PDE6A: variants seen among roughly 807,000 people sequenced by gnomAD.
PDE6A encodes phosphodiesterase 6A.
In PDE6A, 84 loss-of-function variants were observed where a neutral mutation model predicts 106.3. That is an observed-to-expected ratio of 0.79 (90% confidence interval 0.66 to 0.95). PDE6A has a LOEUF of 0.95. Ranked by LOEUF, PDE6A falls within the 40% of genes least tolerant of loss-of-function variation. The probability of loss-of-function intolerance (pLI) is 0.00; values close to 1 mark genes in which losing one functional copy is unlikely to be tolerated. For synonymous variants in PDE6A, 394 were observed against 386.6 expected (o/e 1.02, Z -0.23); for missense variants, 1,052 against 1,084.9 (o/e 0.97, Z 0.43).
chr5:149,880,477 C>T (rs116192461), intron 17 of PDE6A, among the ~76,000 whole-genome samples: 4,922 of 152,090 alleles, frequency 0.032, 115 homozygotes, highest in Admixed American at 0.054. Context: ...TTTAGGAGGC[C>T]GAGGTGGGCG....
chr5:149,934,898 T>C (rs891613636), intron 1 of PDE6A, among the ~76,000 whole-genome samples, 180 bp from the exon 2 acceptor site: 3 of 151,902 alleles, frequency 2.0e-5, no homozygotes, highest in African/African-American at 7.3e-5. Flanking sequence ...AAGAAGAAAG[T>C]CTGAGATGAA....
rs931214708 is a variant in PDE6A, at chr5:149,903,800, A to T, written c.1066-105T>A. On this transcript the variant is annotated intron_variant, in intron 7 of 21. Coordinates refer to ENST00000255266, the MANE Select transcript of PDE6A (RefSeq NM_000440.3). ...GAAACACCATGTTCTTGTCCAAGGC[A>T]TTCACATTCTTTTCATCAGGTAGAC... The T allele has an allele frequency of 8.0e-6, 7 of 871,642 alleles. No homozygotes were observed. In the Admixed American group the frequency reaches 1.0e-4, roughly 13 times the overall value. 54.0% of individuals were successfully genotyped at this position (871,642 alleles called of 1,614,324 possible).
chr5:149,908,396 T>A (rs1274756857), intron 6 of PDE6A, among the ~76,000 whole-genome samples: 3 of 152,192 alleles, frequency 2.0e-5, no homozygotes, highest in Non-Finnish European at 4.4e-5. Context: ...GGCCAAACTG[T>A]TTTCTAAAAT....
At chr5:149,919,041 C>T (rs928096405) in intron 5 of PDE6A, among the ~76,000 whole-genome samples, 3 of 152,074 alleles carry the variant, frequency 2.0e-5, no homozygotes, top group East Asian at 1.9e-4. Flanking sequence ...TTTCTGCCTG[C>T]GAGGGGGAGG....
At chr5:149,900,375 G>GTATATATGTATATATATATATATATATA (rs1752924419) in intron 8 of PDE6A, among the ~76,000 whole-genome samples, 1 of 82,650 alleles carries the variant, frequency 1.2e-5, no homozygotes, top group East Asian at 8.1e-4. Context: ...AAATATATAT[G>GTATATATGTATATATATATATATATATA]TATATATATA....
chr5:149,927,827 AT>A lies in PDE6A; in HGVS notation c.858+3200del, dbSNP rs988567391. ...ATCCTACAAGCTTTTTTTCTCTTAA[AT>A]TTTTTTTTCTTTTACTTTCTAAACT... On this transcript the variant is annotated intron_variant, in intron 4 of 21. Coordinates refer to ENST00000255266, the MANE Select transcript of PDE6A (RefSeq NM_000440.3). Among the ~76,000 whole-genome samples the A allele has an allele frequency of 1.5e-4, 22 of 151,032 alleles. No homozygotes were observed. The East Asian group carries it at 2.3e-3, about 16-fold the overall frequency.
intron 7 of PDE6A, among the ~76,000 whole-genome samples, chr5:149,905,234 C>A (rs767895418): frequency 6.6e-6 from 1 of 152,128 alleles, no homozygotes; most frequent in Non-Finnish European, 1.5e-5. Context: ...TTTCTCCACC[C>A]ACTCTGTAGA....
Position 149,860,653 on chromosome 5 carries a change from A to T in PDE6A, c.*242T>A, listed in dbSNP as rs1581141569. The stretch of plus-strand genomic sequence containing the variant: ...CATTATGAAATTTTTTTTTTTGGCG[A>T]TTTTTTTTTTTAAGTTCAACAGCTA... On this transcript the variant is annotated 3_prime_UTR_variant, in exon 22 of 22. Coordinates refer to ENST00000255266, the MANE Select transcript of PDE6A (RefSeq NM_000440.3). The T allele has an allele frequency of 3.0e-6, 1 of 335,544 alleles. No individual in the cohort carries two copies. Among genetic ancestry groups the T allele is most frequent in the Non-Finnish European group, 5.4e-6 (1 of 183,626 alleles). The allele number at this position is 335,544 out of a possible 1,614,324, so 20.8% of individuals were successfully genotyped here.
chr5:149,895,965 T>TC (rs1752734681), intron 12 of PDE6A, among the ~76,000 whole-genome samples: 1 of 152,030 alleles, frequency 6.6e-6, no homozygotes, highest in African/African-American at 2.4e-5. Context: ...TTCTCTGCCG[T>TC]CCCCCATGAC....
chr5:149,875,681 G>T (rs768327748), intron 17 of PDE6A, among the ~76,000 whole-genome samples: 3 of 151,944 alleles, frequency 2.0e-5, no homozygotes, highest in Non-Finnish European at 4.4e-5. Context: ...TAGAGACAAG[G>T]TCTCGCTATG....
At chr5:149,897,825 G>A (rs535173631) in intron 10 of PDE6A, among the ~76,000 whole-genome samples, 8 of 152,098 alleles carry the variant, frequency 5.3e-5, no homozygotes, top group Non-Finnish European at 8.8e-5. Flanking sequence ...GGGCTCAAGC[G>A]ATCTGACCAC....
At chr5:149,923,014 A>C (rs1212769516) in intron 4 of PDE6A, among the ~76,000 whole-genome samples, 1 of 152,252 alleles carries the variant, frequency 6.6e-6, no homozygotes, top group East Asian at 1.9e-4. Flanking sequence ...TGATCAGATC[A>C]TGTCCAAATC....
intron 17 of PDE6A, among the ~76,000 whole-genome samples, chr5:149,870,642 C>G (rs570257061): frequency 6.6e-6 from 1 of 151,930 alleles, no homozygotes; most frequent in African/African-American, 2.4e-5. Context: ...GACTTGTGCC[C>G]TAAAGATGAG....
chr5:149,927,276 T>C (rs535624381), intron 4 of PDE6A, among the ~76,000 whole-genome samples: 1 of 152,194 alleles, frequency 6.6e-6, no homozygotes, highest in African/African-American at 2.4e-5. Context: ...TGAGAGTTGC[T>C]CTGCGTGAGT....
rs1761073683 is a variant in PDE6A, at chr5:149,884,558, G to C, written c.1948C>G (p.Leu650Val). ...GCATGCTCATGCTGTCGACGATTGA[G>C]GTTTTGAAAGATATTCAGGCTCTAA... ...RDESLNIFQN[L>V]NRRQHEHAIH... is the part of the protein sequence containing the mutation. Residue 650 changes from leucine to valine, a missense_variant, in exon 16 of 22, where the codon CTC becomes GTC. Leu to Val is a conservative substitution (Grantham distance 32, BLOSUM62 1). Around this residue, in one of 3 missense-constraint regions of PDE6A, gnomAD observed 913 missense variants for 915.2 expected, o/e 1.00. Coordinates refer to ENST00000255266, the MANE Select transcript of PDE6A (RefSeq NM_000440.3). 1.2e-6 allele frequency: 2 copies of C among 1,613,482 alleles called. No homozygotes were observed. Among genetic ancestry groups the C allele is most frequent in the Non-Finnish European group, 1.7e-6 (2 of 1,179,658 alleles).
At chr5:149,873,750 CAT>C (rs1760639578) in intron 17 of PDE6A, among the ~76,000 whole-genome samples, 1 of 152,168 alleles carries the variant, frequency 6.6e-6, no homozygotes, top group African/African-American at 2.4e-5. Flanking sequence ...CTTTCCAACT[CAT>C]GGTTTGGTCA....
intron 1 of PDE6A, among the ~76,000 whole-genome samples, chr5:149,937,585 C>T (rs1441775335): frequency 6.6e-6 from 1 of 152,054 alleles, no homozygotes; most frequent in African/African-American, 2.4e-5. Context: ...GCTGTGTTGC[C>T]CAGGGTAGTC....
At chr5:149,861,111 C>G in intron 21 of PDE6A, 140 bp from the exon 22 acceptor site, 1 of 717,764 alleles carries the variant, frequency 1.4e-6, no homozygotes, top group East Asian at 2.7e-5. Context: ...GAAGGCAAAC[C>G]AGGTGTGAGG....
At chr5:149,920,992 A>AAGAAAG (rs376178582) in intron 5 of PDE6A, among the ~76,000 whole-genome samples, 4,832 of 133,074 alleles carry the variant, frequency 0.036, 305 homozygotes, top group African/African-American at 0.12. Flanking sequence ...GAAAGAAAGA[A>AAGAAAG]AGAAAAAGAA....
Sources: gnomAD v4.1 joint callset for allele counts (sites outside exome capture counted in the v4.1 genomes callset) on GRCh38, gnomAD v4.1.1 for gene constraint, gnomAD v4.1.1 regional missense constraint, MANE v1.5 for transcripts, NCBI Gene and HGNC (gene_info 2026-07-23, HGNC 2026-07-21) for gene names.